Variants in CTNNA3 observed in about 807,000 individuals in gnomAD.
CTNNA3 encodes the protein catenin alpha 3, also known as catenin alpha-3.
A neutral mutation model predicts 95.7 loss-of-function variants in CTNNA3; 76 were observed. That is an observed-to-expected ratio of 0.79 (90% CI 0.66 to 0.96). The LOEUF is 0.96. Ranked by LOEUF, CTNNA3 falls within the 40% of genes least tolerant of loss-of-function variation. CTNNA3 has a pLI of 0.00. For synonymous variants in CTNNA3, 431 were observed against 374.4 expected (o/e 1.15, Z -1.74); for missense variants, 1,191 against 1,089.8 (o/e 1.09, Z -1.31).
At chr10:65,957,462 T>TTGA (rs1390462030) in intron 17 of CTNNA3, among the ~76,000 whole-genome samples, 3 of 152,230 alleles carry the variant, frequency 2.0e-5, no homozygotes, top group Admixed American at 1.3e-4. Flanking sequence ...TGCTTGTTAG[T>TTGA]TGATGCAGTT....
chr10:66,612,894 A>T (rs1380449752), intron 10 of CTNNA3, among the ~76,000 whole-genome samples: 1 of 152,020 alleles, frequency 6.6e-6, no homozygotes, highest in Admixed American at 6.6e-5. Flanking sequence ...TCCAATTCTC[A>T]TGCCATTTCC....
intron 3 of CTNNA3, among the ~76,000 whole-genome samples, chr10:67,592,274 A>G (rs140817142): frequency 3.5e-3 from 539 of 152,186 alleles, no homozygotes; most frequent in Non-Finnish European, 5.1e-3. Flanking sequence ...TCAATCTCCA[A>G]TGTCCATGTA....
At chr10:66,007,494 A>T (rs2078910047) in intron 15 of CTNNA3, among the ~76,000 whole-genome samples, 1 of 152,202 alleles carries the variant, frequency 6.6e-6, no homozygotes, top group African/African-American at 2.4e-5. Flanking sequence ...CAAAATCACC[A>T]TAATACGGTA....
At chr10:66,149,362 T>G (rs570684057) in intron 13 of CTNNA3, among the ~76,000 whole-genome samples, 1 of 151,138 alleles carries the variant, frequency 6.6e-6, no homozygotes, top group East Asian at 1.9e-4. Context: ...ATTTAGATTA[T>G]TAATTTCTTT....
chr10:66,196,351 G>C (rs1020165885), intron 13 of CTNNA3, among the ~76,000 whole-genome samples: 3 of 152,148 alleles, frequency 2.0e-5, no homozygotes, highest in Non-Finnish European at 4.4e-5. Flanking sequence ...AGCAAGCACA[G>C]GGAAAGGAAA....
At chr10:66,319,008 G>C (rs966587525) in intron 12 of CTNNA3, among the ~76,000 whole-genome samples, 5 of 151,876 alleles carry the variant, frequency 3.3e-5, no homozygotes, top group African/African-American at 1.2e-4. Flanking sequence ...GAGAAAGAAA[G>C]GAGCTAGCAA....
At chr10:67,659,811 TGTATATGAATTCTCGTAAG>T (rs1365243295) in intron 1 of CTNNA3, among the ~76,000 whole-genome samples, 1 of 152,228 alleles carries the variant, frequency 6.6e-6, no homozygotes, top group African/African-American at 2.4e-5. Context: ...ACAGCTCAAC[TGTATATGAATTCTCGTAAG>T]GTCTGATATT....
At chr10:67,760,181 GTCAGTA>G (rs1456515518) in intron 1 of CTNNA3, among the ~76,000 whole-genome samples, 1 of 152,184 alleles carries the variant, frequency 6.6e-6, no homozygotes, top group Admixed American at 6.5e-5. Flanking sequence ...CAATTAAGGT[GTCAGTA>G]TCAGTTGGGA....
chr10:66,608,402 C>G (rs12252528), intron 10 of CTNNA3, among the ~76,000 whole-genome samples: 1 of 151,988 alleles, frequency 6.6e-6, no homozygotes, highest in Non-Finnish European at 1.5e-5. Flanking sequence ...AATGCTATTC[C>G]TATTAAACTA....
intron 11 of CTNNA3, among the ~76,000 whole-genome samples, chr10:66,425,427 G>T (rs2093231275): frequency 6.6e-6 from 1 of 150,706 alleles, no homozygotes; most frequent in South Asian, 2.1e-4. Flanking sequence ...TTGCTTTTTT[G>T]ATTTTCATGT....
At chr10:67,028,044 G>A (rs1853498298) in intron 7 of CTNNA3, among the ~76,000 whole-genome samples, 1 of 152,156 alleles carries the variant, frequency 6.6e-6, no homozygotes, top group Non-Finnish European at 1.5e-5. Context: ...AAGACCAGCT[G>A]AAGTTCAGAG....
chr10:66,915,494 A>G (rs1273857296), intron 7 of CTNNA3, among the ~76,000 whole-genome samples: 1 of 152,028 alleles, frequency 6.6e-6, no homozygotes, highest in Non-Finnish European at 1.5e-5. Context: ...CTAAAAATCT[A>G]TTAGTGGAAG....
chr10:67,726,415 A>AATATCATATATGAAATTATAT (rs1554879485), intron 1 of CTNNA3, among the ~76,000 whole-genome samples: 1 of 58,972 alleles, frequency 1.7e-5, no homozygotes, highest in African/African-American at 1.2e-4. Context: ...TATCATATAT[A>AATATCATATATGAAATTATAT]ATATTATATA....
chr10:67,513,341 A>G (rs1839701542), intron 5 of CTNNA3, among the ~76,000 whole-genome samples: 2 of 152,228 alleles, frequency 1.3e-5, no homozygotes, highest in East Asian at 1.9e-4. Flanking sequence ...TGAAAAGTCA[A>G]TTGTGCTGCA....
At chr10:66,857,227 T>C (rs555894532) in intron 7 of CTNNA3, among the ~76,000 whole-genome samples, 1 of 152,268 alleles carries the variant, frequency 6.6e-6, no homozygotes, top group South Asian at 2.1e-4. Flanking sequence ...TGCAGCCTTA[T>C]TTCTGGGCTC....
At chr10:66,580,610 T>C (rs1223206240) in intron 10 of CTNNA3, among the ~76,000 whole-genome samples, 2 of 151,808 alleles carry the variant, frequency 1.3e-5, no homozygotes, top group South Asian at 2.1e-4. Context: ...GTTCTTGATA[T>C]GACAAGTGAT....
intron 5 of CTNNA3, among the ~76,000 whole-genome samples, chr10:67,346,178 T>C (rs1842407798): frequency 2.0e-5 from 3 of 152,174 alleles, no homozygotes. Context: ...TTATACCTTA[T>C]TGTACTATCT....
intron 10 of CTNNA3, among the ~76,000 whole-genome samples, chr10:66,538,635 A>T (rs1564519903): frequency 6.6e-6 from 1 of 152,180 alleles, no homozygotes; most frequent in Non-Finnish European, 1.5e-5. Context: ...CGAACCTTTT[A>T]AATAATTATC....
At chr10:66,500,143 A>G (rs565712717) in intron 11 of CTNNA3, among the ~76,000 whole-genome samples, 2 of 152,274 alleles carry the variant, frequency 1.3e-5, no homozygotes, top group Non-Finnish European at 2.9e-5. Flanking sequence ...AAAAGCCACA[A>G]ACAAAAGTAA....
Sources: allele counts gnomAD v4.1 joint callset (sites outside exome capture counted in the v4.1 genomes callset), GRCh38; gene constraint gnomAD v4.1.1; transcripts MANE v1.5; gene names NCBI Gene and HGNC (gene_info 2026-07-23, HGNC 2026-07-21).